The following RAP1GAP2 variants were observed in gnomAD, a reference collection of about 807,000 sequenced individuals.
The protein encoded by RAP1GAP2 is rap1 GTPase-activating protein 2.
A neutral mutation model predicts 95.0 loss-of-function variants in RAP1GAP2; 27 were observed. That is an observed-to-expected ratio of 0.28 (90% confidence interval 0.21 to 0.39). The LOEUF (loss-of-function observed/expected upper bound fraction) is 0.39, where lower values mean the gene tolerates loss of function less well. Among genes scored for constraint, RAP1GAP2 ranks in the 10% least tolerant of loss-of-function variants. The pLI, the probability that RAP1GAP2 is intolerant of heterozygous loss-of-function variation, is 1.00. For missense variants in RAP1GAP2, 771 were observed against 970.0 expected (o/e 0.79, Z 2.72); for synonymous variants, 373 against 380.9 (o/e 0.98, Z 0.24).
intron 2 of RAP1GAP2, among the ~76,000 whole-genome samples, chr17:2,839,372 G>A (rs762760237): frequency 5.3e-5 from 8 of 151,948 alleles, no homozygotes; most frequent in African/African-American, 1.9e-4. Flanking sequence ...AGTACAGAGA[G>A]TCCCCATAGG....
intron 23 of RAP1GAP2, among the ~76,000 whole-genome samples, chr17:3,032,105 A>T (rs566289234): frequency 2.3e-5 from 3 of 130,996 alleles, no homozygotes; most frequent in South Asian, 5.5e-4. Context: ...CCAGGTCCAG[A>T]TGTGAGGTGG....
chr17:2,897,657 G>GC (rs950201374), intron 2 of RAP1GAP2, among the ~76,000 whole-genome samples: 11 of 152,022 alleles, frequency 7.2e-5, no homozygotes, highest in African/African-American at 2.2e-4. Flanking sequence ...ACCATACCCA[G>GC]CCCCTCCTGA....
At chr17:2,888,586 A>T (rs1567745138) in intron 2 of RAP1GAP2, among the ~76,000 whole-genome samples, 2 of 151,814 alleles carry the variant, frequency 1.3e-5, no homozygotes, top group Non-Finnish European at 2.9e-5. Context: ...GTCGCCACGA[A>T]TGACGGGATT....
At position 2,903,936 on chromosome 17, in the gene RAP1GAP2, T is replaced by G. The variant is rs550088975; in HGVS notation, c.81-1348T>G. Among the ~76,000 whole-genome samples, 2 of 151,692 alleles carry G rather than the reference T, an allele frequency of 1.3e-5. No individual in the cohort carries two copies. Among genetic ancestry groups the G allele is most frequent in the Non-Finnish European group, 2.9e-5 (2 of 67,906 alleles). ...GGGTGGGTTTCTGTCATGAAGAAGG[T>G]GTGGGGTTGGAACTGTCGCTTCGCT... On this transcript the variant is annotated intron_variant, in intron 2 of 24. Transcript: ENST00000254695. This position sits in a 1 kb window ranked among gnomAD's most constrained non-coding sequence, Gnocchi z 4.1.
chr17:2,989,092 C>CAA (rs547650695), intron 11 of RAP1GAP2, among the ~76,000 whole-genome samples: 1,295 of 113,878 alleles, frequency 0.011, 14 homozygotes, highest in East Asian at 0.052. Context: ...AAAAACAAAA[C>CAA]AAAAAAAAAA....
At chr17:3,028,293 A>C (rs1192624433) in intron 22 of RAP1GAP2, among the ~76,000 whole-genome samples, 14 of 151,526 alleles carry the variant, frequency 9.2e-5, no homozygotes, top group Admixed American at 9.2e-4. Context: ...AGCCGGGGGC[A>C]GTCTTGCTAC....
chr17:3,024,913 G>T (rs917337853), intron 19 of RAP1GAP2, among the ~76,000 whole-genome samples: 1 of 152,192 alleles, frequency 6.6e-6, no homozygotes, highest in Admixed American at 6.5e-5. Flanking sequence ...GGACTAGGAA[G>T]TGATTACAAA....
chr17:2,948,163 A>G (rs1380563682), intron 3 of RAP1GAP2, among the ~76,000 whole-genome samples: 1 of 152,208 alleles, frequency 6.6e-6, no homozygotes, highest in Non-Finnish European at 1.5e-5. Flanking sequence ...GTTAGCGGTC[A>G]TGTTTTCAGC....
chr17:2,851,364 C>T (rs2071838786), intron 2 of RAP1GAP2, among the ~76,000 whole-genome samples: 1 of 152,168 alleles, frequency 6.6e-6, no homozygotes, highest in South Asian at 2.1e-4. Flanking sequence ...ATGGGTAAGC[C>T]TAGCATTGAT....
chr17:2,820,892 G>GTTTTTTTTTTTTTTTTTTTT (rs59814346), intron 2 of RAP1GAP2, among the ~76,000 whole-genome samples: 1 of 104,104 alleles, frequency 9.6e-6, no homozygotes, highest in African/African-American at 4.0e-5. Context: ...CCGGATAATG[G>GTTTTTTTTTTTTTTTTTTTT]TTTTTTTTTT....
chr17:3,008,022 G>T lies in RAP1GAP2; in HGVS notation c.1371G>T (p.Arg457Ser). 1 of 1,613,924 alleles carries T rather than the reference G, an allele frequency of 6.2e-7. No homozygotes were observed. Among genetic ancestry groups the T allele is most frequent in the Non-Finnish European group, 8.5e-7 (1 of 1,179,864 alleles). Residue 457 changes from arginine (R) to serine (S), a missense_variant, in exon 17 of 25, where the codon AGG becomes AGT. Transcript: ENST00000254695. The surrounding 1 kb of genome is among the most constrained non-coding windows in gnomAD (Gnocchi z 4.2). ...DKFAKLEDRT[R>S]AALLDNLHDE... ...CTCTTCCCTTCTAGGACCGGACCAGGGCTGCCCTCCTGGACAACCTTCACG... is the reference window on the plus strand; with the variant it reads ...CTCTTCCCTTCTAGGACCGGACCAGTGCTGCCCTCCTGGACAACCTTCACG...
intron 3 of RAP1GAP2, among the ~76,000 whole-genome samples, chr17:2,905,800 A>G (rs28707044): frequency 0.13 from 19,505 of 152,056 alleles, 1,996 homozygotes; most frequent in African/African-American, 0.28. Context: ...GGCAGTCCCC[A>G]TGGAAGGGTT....
chr17:2,828,322 C>T (rs1440573580), intron 2 of RAP1GAP2, among the ~76,000 whole-genome samples: 2 of 146,836 alleles, frequency 1.4e-5, no homozygotes, highest in Admixed American at 1.4e-4. Flanking sequence ...ACCTGGGCGA[C>T]AGTGAGACTC....
At position 3,005,916 on chromosome 17, in the gene RAP1GAP2, C is replaced by T. The variant is rs781400750; in HGVS notation, c.1273-39C>T. The T allele has an allele frequency of 1.1e-5, 18 of 1,582,214 alleles. No individual in the cohort carries two copies. The highest frequency in any genetic ancestry group is 1.7e-4 in the Middle Eastern group (1 of 5,982). On this transcript the variant is annotated intron_variant, in intron 15 of 24. Transcript: ENST00000254695. The surrounding 1 kb of genome is among the most constrained non-coding windows in gnomAD (Gnocchi z 5.2). The stretch of plus-strand genomic sequence containing the variant: ...TGGCTGAAGACCTTCTGGCAACAGC[C>T]GAGAGTGACAGACCTGAGGTCCGTC...
At position 2,763,503 on chromosome 17, in the gene RAP1GAP2, C is replaced by T. The variant is rs1379012502; in HGVS notation, c.51-6826C>T. Among the ~76,000 whole-genome samples the T allele has an allele frequency of 7.9e-5, 12 of 152,232 alleles. No homozygotes were observed. The East Asian group carries it at 2.3e-3, about 29-fold the overall frequency. On this transcript the variant is annotated intron_variant, in intron 1 of 25. Coordinates refer to the RAP1GAP2 transcript ENST00000637138. Reference sequence around the variant, plus strand: ...CTGAAGTCAGGAGTTCAAGACCAGGCTGGCAATCATGGTGCAACCCTGTCT... The same window carrying T: ...CTGAAGTCAGGAGTTCAAGACCAGGTTGGCAATCATGGTGCAACCCTGTCT...
At chr17:2,954,743 G>A (rs758592269) in intron 3 of RAP1GAP2, among the ~76,000 whole-genome samples, 2 of 151,882 alleles carry the variant, frequency 1.3e-5, no homozygotes, top group Non-Finnish European at 2.9e-5. Context: ...ACAGGTACCC[G>A]CCGCCAAGCC....
chr17:2,996,713 A>T (rs1457595749), intron 13 of RAP1GAP2, among the ~76,000 whole-genome samples: 10 of 152,198 alleles, frequency 6.6e-5, no homozygotes, highest in Admixed American at 5.2e-4. Flanking sequence ...TTTCTTGGGA[A>T]ATACACCTTG....
In RAP1GAP2 at chr17:3,008,223, A is replaced by C; in HGVS notation, c.1494+78A>C. 6.3e-7 allele frequency: 1 copy of C among 1,580,526 alleles called. No individual in the cohort carries two copies. The highest frequency in any genetic ancestry group is 8.6e-7 in the Non-Finnish European group (1 of 1,160,196). On this transcript the variant is annotated intron_variant, in intron 17 of 24. Coordinates refer to ENST00000254695, the MANE Select transcript of RAP1GAP2 (RefSeq NM_015085.5). The surrounding 1 kb of genome is among the most constrained non-coding windows in gnomAD (Gnocchi z 4.2). ...AAGGAAGTGGTCCAAGGTCCATGGG[A>C]TACTGATCCCAGAGCCCAAGGGCCA...
chr17:2,878,239 G>T (rs1318132100), intron 2 of RAP1GAP2, among the ~76,000 whole-genome samples: 1 of 152,202 alleles, frequency 6.6e-6, no homozygotes, highest in East Asian at 1.9e-4. Flanking sequence ...GCCTTTAATT[G>T]CAAGAGAACC....
Sources: allele counts gnomAD v4.1 joint callset (sites outside exome capture counted in the v4.1 genomes callset), GRCh38; gene constraint gnomAD v4.1.1; non-coding constraint Gnocchi (gnomAD v3.1); transcripts MANE v1.5; gene names NCBI Gene and HGNC (gene_info 2026-07-23, HGNC 2026-07-21).